ASRGL1: variants seen among roughly 807,000 people sequenced by gnomAD.
ASRGL1 encodes isoaspartyl peptidase/L-asparaginase.
A neutral mutation model predicts 22.4 loss-of-function variants in ASRGL1; 16 were observed. The ratio of observed to expected loss-of-function variants is 0.71; its 90% CI spans 0.48 to 1.08. ASRGL1 has a LOEUF of 1.08. ASRGL1 is among the 50% of genes least tolerant of loss of function. ASRGL1 has a pLI of 0.00. For missense variants in ASRGL1, 412 were observed against 410.1 expected, an observed-to-expected ratio of 1.00 and a Z score of -0.04; for synonymous variants, 165 against 159.3, an observed-to-expected ratio of 1.04 and a Z score of -0.27.
chr11:62,371,627 C>T, intron 4 of ASRGL1: 1 of 653,972 alleles, frequency 1.5e-6, no homozygotes, highest in Non-Finnish European at 2.9e-6. Context: ...ATTTTGGGGG[C>T]AACCAACTGG....
intron 4 of ASRGL1, among the ~76,000 whole-genome samples, chr11:62,379,000 T>G (rs1166359439): frequency 6.6e-6 from 1 of 152,192 alleles, no homozygotes; most frequent in Non-Finnish European, 1.5e-5. Context: ...ATATTAGTCA[T>G]GATTTTTTGA....
chr11:62,346,459 C>CT (rs889276641), intron 2 of ASRGL1, among the ~76,000 whole-genome samples: 1 of 152,116 alleles, frequency 6.6e-6, no homozygotes, highest in African/African-American at 2.4e-5. Context: ...TTCTGTGAGA[C>CT]TGAGTAACAA....
intron 4 of ASRGL1, among the ~76,000 whole-genome samples, chr11:62,366,672 A>G (rs1227865244): frequency 6.7e-6 from 1 of 150,122 alleles, no homozygotes; most frequent in Admixed American, 6.6e-5. Context: ...TTTTTCTTTT[A>G]CTTTTTTAAC....
At chr11:62,382,384 A>G (rs771417380) in intron 4 of ASRGL1, 18 of 151,958 alleles carry the variant, frequency 1.2e-4, no homozygotes, top group Non-Finnish European at 2.1e-4. Context: ...GCAGGAAAAC[A>G]TGTGAACAAA....
Position 62,362,845 on chromosome 11 carries a change from T to C in ASRGL1, c.491+5701T>C, listed in dbSNP as rs867786421. On this transcript the variant is annotated intron_variant, in intron 4 of 6. Transcript: ENST00000415229. ...ACACACACACACACACACACACACA[T>C]CCATATAAATATATATATGTGGCTA... Among the ~76,000 whole-genome samples the C allele has an allele frequency of 3.3e-3, 108 of 32,616 alleles. 1 individual carries two copies. The highest frequency in any genetic ancestry group is 0.019 in the South Asian group (15 of 792). 21.4% of individuals were successfully genotyped at this position (32,616 alleles called of 152,430 possible). A position where few individuals can be genotyped will look rare whatever the true frequency, so the allele number is the denominator to read the frequency against.
chr11:62,384,016 G>GCA, intron 4 of ASRGL1, among the ~76,000 whole-genome samples: 1 of 147,014 alleles, frequency 6.8e-6, no homozygotes, highest in Non-Finnish European at 1.5e-5. Context: ...GTGTGCATGT[G>GCA]TGTGTGTGCA....
intron 2 of ASRGL1, among the ~76,000 whole-genome samples, chr11:62,339,014 C>G (rs944369412): frequency 4.2e-4 from 63 of 151,336 alleles, no homozygotes; most frequent in African/African-American, 1.4e-3. Flanking sequence ...TTCCCTTAGG[C>G]AGAGGAAGTC....
chr11:62,368,295 T>A (rs981994754), intron 4 of ASRGL1, among the ~76,000 whole-genome samples: 1 of 152,186 alleles, frequency 6.6e-6, no homozygotes, highest in African/African-American at 2.4e-5. Flanking sequence ...GTTTCAGGCA[T>A]CCACTGAGGG....
chr11:62,361,870 G>A (rs924662390), intron 4 of ASRGL1, among the ~76,000 whole-genome samples: 1 of 152,090 alleles, frequency 6.6e-6, no homozygotes, highest in African/African-American at 2.4e-5. Context: ...ATTACTGCTT[G>A]AAGAAAAACA....
intron 4 of ASRGL1, among the ~76,000 whole-genome samples, chr11:62,377,905 G>A (rs975654953): frequency 2.0e-5 from 3 of 152,190 alleles, no homozygotes; most frequent in Non-Finnish European, 2.9e-5. Flanking sequence ...TGGAGAATGT[G>A]CAGTAGCAAA....
intron 4 of ASRGL1, among the ~76,000 whole-genome samples, chr11:62,366,420 T>C (rs554610001): frequency 4.1e-3 from 590 of 144,832 alleles, no homozygotes; most frequent in African/African-American, 0.014. Context: ...ATTTGTATTG[T>C]TGCCATGGCC....
chr11:62,389,337 T>C (rs1947287283), intron 5 of ASRGL1, 86 bp downstream of exon 5: 6 of 1,265,648 alleles, frequency 4.7e-6, no homozygotes, highest in Non-Finnish European at 6.9e-6. Flanking sequence ...CCCTCTCCGT[T>C]TCTTGCTGCG....
At chr11:62,346,608 G>A (rs1004297534) in intron 2 of ASRGL1, among the ~76,000 whole-genome samples, 1 of 152,162 alleles carries the variant, frequency 6.6e-6, no homozygotes, top group Admixed American at 6.6e-5. Flanking sequence ...CAGCCCCCAT[G>A]TCTCTTGCCC....
chr11:62,350,024 G>T (rs1448193392), intron 2 of ASRGL1, among the ~76,000 whole-genome samples: 1 of 152,132 alleles, frequency 6.6e-6, no homozygotes, highest in Non-Finnish European at 1.5e-5. Context: ...TATCAGCAAG[G>T]TCTTTACGAC....
At chr11:62,390,088 G>T (rs1327118546) in intron 5 of ASRGL1, among the ~76,000 whole-genome samples, 1 of 152,188 alleles carries the variant, frequency 6.6e-6, no homozygotes, top group Non-Finnish European at 1.5e-5. Flanking sequence ...TATCACCCAA[G>T]AGATGTGAAG....
At chr11:62,373,115 A>C in intron 4 of ASRGL1, 2 of 1,469,066 alleles carry the variant, frequency 1.4e-6, no homozygotes, top group Non-Finnish European at 1.9e-6. Flanking sequence ...CAAGAGATGA[A>C]AGTGAAACTG....
intron 4 of ASRGL1, among the ~76,000 whole-genome samples, chr11:62,376,214 A>G (rs2134670463): frequency 7.1e-6 from 1 of 141,002 alleles, no homozygotes; most frequent in African/African-American, 2.7e-5. Flanking sequence ...CAGCTTCTTT[A>G]ATTGTGCCCA....
At chr11:62,358,893 G>A (rs1196622827) in intron 4 of ASRGL1, among the ~76,000 whole-genome samples, 3 of 152,196 alleles carry the variant, frequency 2.0e-5, no homozygotes, top group African/African-American at 7.2e-5. Context: ...TTAGGTAAGA[G>A]AAAAAGACAA....
At chr11:62,356,509 T>G in intron 3 of ASRGL1, 42 bp downstream of exon 3, 1 of 1,602,130 alleles carries the variant, frequency 6.2e-7, no homozygotes. Context: ...GAATTGTTAT[T>G]GTTATACTGC....
Sources: allele counts gnomAD v4.1 joint callset (sites outside exome capture counted in the v4.1 genomes callset), GRCh38; gene constraint gnomAD v4.1.1; transcripts MANE v1.5; gene names NCBI Gene and HGNC (gene_info 2026-07-23, HGNC 2026-07-21).